COL6A6: variants seen among roughly 807,000 people sequenced by gnomAD.
COL6A6 encodes collagen alpha-6(VI) chain.
In COL6A6, 183 loss-of-function variants were observed where a neutral mutation model predicts 208.6. That is an observed-to-expected ratio of 0.88 (90% confidence interval 0.78 to 0.99). The LOEUF (loss-of-function observed/expected upper bound fraction) is 0.99. COL6A6 is among the 50% of genes least tolerant of loss of function. COL6A6 has a pLI of 0.00. For synonymous variants in COL6A6, 973 were observed against 1,011.8 expected, an observed-to-expected ratio of 0.96 and a Z score of 0.73; for missense variants, 2,816 against 2,815.2, an observed-to-expected ratio of 1.00 and a Z score of -0.01.
intron 34 of COL6A6, among the ~76,000 whole-genome samples, chr3:130,659,792 G>A (rs1479309859): frequency 6.6e-6 from 1 of 152,162 alleles, no homozygotes; most frequent in Non-Finnish European, 1.5e-5. Context: ...ATGTATCAGT[G>A]AGATGCAAAT....
At position 130,563,334 on chromosome 3, in the gene COL6A6, CTT is replaced by C; in HGVS notation, c.332_333del (p.Leu111ProfsTer31). 2 of 1,613,968 alleles carry C rather than the reference CTT, an allele frequency of 1.2e-6. No individual in the cohort carries two copies. Among genetic ancestry groups the C allele is most frequent in the Non-Finnish European group, 1.7e-6 (2 of 1,179,890 alleles). On this transcript the variant is annotated frameshift_variant, in exon 3 of 37. Coordinates refer to ENST00000358511, the MANE Select transcript of COL6A6 (RefSeq NM_001102608.3). LOFTEE classifies it high-confidence loss of function. ...CGGGTCCCTGCAGATAGGAAAGGCT[CTT>C]CAGGAGGCTCACAGGACTTATTTCT... Reference protein sequence around the residue: ...IGGSLQIGKALQEAHRTYFSA... With the variant: ...IGGSLQIGKAXQEAHRTYFSA...
intron 1 of COL6A6, among the ~76,000 whole-genome samples, chr3:130,553,739 G>C (rs993993399): frequency 6.6e-6 from 1 of 151,974 alleles, no homozygotes. Flanking sequence ...GGTTTTTTGA[G>C]TTGCCAGAGT....
intron 1 of COL6A6, among the ~76,000 whole-genome samples, chr3:130,558,972 T>G (rs1016684779): frequency 6.6e-6 from 1 of 152,206 alleles, no homozygotes; most frequent in Non-Finnish European, 1.5e-5. Context: ...AATGTGACCT[T>G]GCATCAGTTA....
chr3:130,639,240 T>C (rs977089551), intron 28 of COL6A6, among the ~76,000 whole-genome samples: 3 of 128,236 alleles, frequency 2.3e-5, no homozygotes, highest in African/African-American at 1.2e-4. Flanking sequence ...TTTTGTTTCA[T>C]GATTAAAATA....
At chr3:130,569,120 G>T (rs2107917712) in intron 6 of COL6A6, among the ~76,000 whole-genome samples, 1 of 152,288 alleles carries the variant, frequency 6.6e-6, no homozygotes, top group African/African-American at 2.4e-5. Flanking sequence ...GTGGGTTGCT[G>T]AGGCAGCCCT....
chr3:130,566,945 T>C lies in COL6A6; in HGVS notation c.1526T>C (p.Met509Thr). Residue 509 changes from methionine to threonine, a missense_variant, in exon 5 of 37, where the codon ATG becomes ACG. Physicochemically the swap from Met to Thr is moderately conservative, Grantham distance 81. Transcript: ENST00000358511. ...LGKAIENIRQ[M>T]GGNTNTGAAL... Reference sequence around the variant, plus strand: ...AAGGCCATTGAGAATATCAGGCAGATGGGTGGGAATACAAACACAGGCGCA... The same window carrying C: ...AAGGCCATTGAGAATATCAGGCAGACGGGTGGGAATACAAACACAGGCGCA... 6.2e-7 allele frequency: 1 copy of C among 1,613,926 alleles called. No individual in the cohort carries two copies. Among genetic ancestry groups the C allele is most frequent in the Non-Finnish European group, 8.5e-7 (1 of 1,179,810 alleles).
intron 23 of COL6A6, among the ~76,000 whole-genome samples, chr3:130,617,784 A>C (rs964281441): frequency 6.6e-6 from 1 of 152,172 alleles, no homozygotes. Context: ...AGTGACAAGG[A>C]TTCCTTTTAA....
At chr3:130,571,686 T>C (rs2063170821) in intron 7 of COL6A6, among the ~76,000 whole-genome samples, 1 of 152,110 alleles carries the variant, frequency 6.6e-6, no homozygotes, top group Non-Finnish European at 1.5e-5. Flanking sequence ...TTTTGGCTTT[T>C]TTTTTAAAGA....
intron 1 of COL6A6, among the ~76,000 whole-genome samples, chr3:130,548,467 G>GGTTGGAGT (rs2062569852): frequency 6.6e-6 from 1 of 152,182 alleles, no homozygotes; most frequent in Non-Finnish European, 1.5e-5. Flanking sequence ...ATCTAAAGGG[G>GGTTGGAGT]GTTGGAGTTG....
intron 20 of COL6A6, among the ~76,000 whole-genome samples, chr3:130,603,257 G>C (rs1254800644): frequency 1.3e-5 from 2 of 152,216 alleles, no homozygotes; most frequent in Non-Finnish European, 2.9e-5. Flanking sequence ...ACAATTCTTT[G>C]CTGTGGGGGG....
intron 18 of COL6A6, among the ~76,000 whole-genome samples, chr3:130,596,144 G>T (rs559586989): frequency 2.6e-5 from 4 of 152,152 alleles, no homozygotes; most frequent in African/African-American, 9.7e-5. Context: ...AGGAATTTGC[G>T]CATGAGGAAA....
chr3:130,659,190 A>G (rs949192009), intron 34 of COL6A6, among the ~76,000 whole-genome samples: 7 of 152,232 alleles, frequency 4.6e-5, no homozygotes, highest in African/African-American at 1.7e-4. Context: ...TAGTACAGTC[A>G]AAGTGGAAAA....
At chr3:130,535,789 T>G (rs886346900) in intron 1 of COL6A6, among the ~76,000 whole-genome samples, 9 of 152,220 alleles carry the variant, frequency 5.9e-5, no homozygotes, top group African/African-American at 1.9e-4. Flanking sequence ...ACCAGACTTC[T>G]AAGTTTCTTA....
At chr3:130,564,678 G>A (rs1468052398) in intron 3 of COL6A6, among the ~76,000 whole-genome samples, 1 of 152,176 alleles carries the variant, frequency 6.6e-6, no homozygotes, top group Admixed American at 6.5e-5. Context: ...TAATATGATA[G>A]CAATGGCTAT....
intron 35 of COL6A6, among the ~76,000 whole-genome samples, chr3:130,663,642 T>G (rs910940445): frequency 1.3e-5 from 2 of 152,316 alleles, no homozygotes; most frequent in East Asian, 3.9e-4. Context: ...TGATGGAATT[T>G]CCTTCCCCAC....
At chr3:130,560,511 G>A in intron 2 of COL6A6, 83 bp downstream of exon 2, 4 of 1,219,660 alleles carry the variant, frequency 3.3e-6, no homozygotes, top group Non-Finnish European at 4.6e-6. Flanking sequence ...AAAGTTACAA[G>A]TTTTGTATCA....
intron 27 of COL6A6, 27 bp downstream of exon 27, chr3:130,634,652 G>T (rs2065057797): frequency 6.4e-7 from 1 of 1,574,294 alleles, no homozygotes; most frequent in Non-Finnish European, 8.7e-7. Context: ...AGTAACTAGA[G>T]ATCAGTCAGA....
At chr3:130,543,196 G>T (rs556301887) in intron 1 of COL6A6, among the ~76,000 whole-genome samples, 1 of 152,154 alleles carries the variant, frequency 6.6e-6, no homozygotes, top group East Asian at 1.9e-4. Flanking sequence ...GAGCCACCGT[G>T]TCTGACCCAT....
At position 130,635,767 on chromosome 3, in the gene COL6A6, C is replaced by T; in HGVS notation, c.5091+6C>T. The T allele has an allele frequency of 1.9e-6, 3 of 1,607,074 alleles. No homozygotes were observed. The highest frequency in any genetic ancestry group is 2.6e-6 in the Non-Finnish European group (3 of 1,174,196). ...AGGGAGCTAGAGGCAAAATGGTAAG[C>T]TTCTTAGATTCCAATTGCTGACAAC... On this transcript the variant is annotated splice_donor_region_variant and intron_variant, in intron 28 of 36. Transcript: ENST00000358511.
Sources: gnomAD v4.1 joint callset for allele counts (sites outside exome capture counted in the v4.1 genomes callset) on GRCh38, gnomAD v4.1.1 for gene constraint, MANE v1.5 for transcripts, NCBI Gene and HGNC (gene_info 2026-07-23, HGNC 2026-07-21) for gene names.